PTPRD: variants seen among roughly 807,000 people sequenced by gnomAD.
PTPRD encodes the protein protein tyrosine phosphatase receptor type D.
A neutral mutation model predicts 214.5 loss-of-function variants in PTPRD; 34 were observed. The observed-to-expected ratio is 0.16, with a 90% CI of 0.12 to 0.21. PTPRD has a LOEUF of 0.21. PTPRD is among the 10% of genes least tolerant of loss of function. PTPRD has a pLI of 1.00. For synonymous variants in PTPRD, 1,128 were observed against 845.7 expected (o/e 1.33, Z -5.79); for missense variants, 2,545 against 2,398.7 (o/e 1.06, Z -1.27).
In PTPRD at chr9:8,500,487, G is replaced by C. The variant is rs1157351332; in HGVS notation, c.2128+267C>G. Among the ~76,000 whole-genome samples the C allele has an allele frequency of 4.3e-5, 6 of 139,036 alleles. No individual in the cohort carries two copies. The South Asian group carries it at 1.4e-3, about 33-fold the overall frequency. 91.2% of individuals were successfully genotyped at this position (139,036 alleles called of 152,430 possible). A position where few individuals can be genotyped will look rare whatever the true frequency, so the allele number is the denominator to read the frequency against. On this transcript the variant is annotated intron_variant, in intron 24 of 45. Transcript: ENST00000381196. ...TAGATGGAGGCACAGAGACGGGCTG[G>C]ACTGCAAGACCATAGGAGCCAACAG...
At chr9:8,852,161 G>C (rs530173893) in intron 11 of PTPRD, among the ~76,000 whole-genome samples, 1 of 152,142 alleles carries the variant, frequency 6.6e-6, no homozygotes, top group Non-Finnish European at 1.5e-5. Flanking sequence ...AAGCAGTACT[G>C]AGAAATGCTG....
At chr9:9,552,485 G>C (rs1041316191) in intron 8 of PTPRD, among the ~76,000 whole-genome samples, 1 of 151,986 alleles carries the variant, frequency 6.6e-6, no homozygotes, top group Non-Finnish European at 1.5e-5. Flanking sequence ...CCTAAATGTA[G>C]TTCTTTATAA....
chr9:8,603,406 C>G (rs1006962668), intron 14 of PTPRD, among the ~76,000 whole-genome samples: 1 of 152,140 alleles, frequency 6.6e-6, no homozygotes, highest in Non-Finnish European at 1.5e-5. Flanking sequence ...GTCTTTGGCC[C>G]TATAGACAGC....
Position 9,666,084 on chromosome 9 carries a change from C to T in PTPRD, c.-287+68449G>A, listed in dbSNP as rs1023685666. Among the ~76,000 whole-genome samples, 5 of 151,818 alleles carry T rather than the reference C, an allele frequency of 3.3e-5. No homozygotes were observed. In the South Asian group the frequency reaches 1.0e-3, roughly 31 times the overall value. On this transcript the variant is annotated intron_variant, in intron 7 of 45. Transcript: ENST00000381196. ...TCTGGAGTTATTCGGTAACTATCCACATATCAAGTTGTATACCCATAAACC... is the reference window on the plus strand; with the variant it reads ...TCTGGAGTTATTCGGTAACTATCCATATATCAAGTTGTATACCCATAAACC...
chr9:9,304,884 C>A (rs1489526749), intron 9 of PTPRD, among the ~76,000 whole-genome samples: 1 of 149,772 alleles, frequency 6.7e-6, no homozygotes, highest in Admixed American at 6.8e-5. Flanking sequence ...ATAATCTCTC[C>A]ATGAAAGGAT....
intron 9 of PTPRD, among the ~76,000 whole-genome samples, chr9:9,386,155 T>A (rs978584111): frequency 8.5e-5 from 13 of 152,300 alleles, no homozygotes; most frequent in African/African-American, 2.9e-4. Flanking sequence ...TTAGTTACAA[T>A]GACAGCGTCC....
chr9:10,573,035 T>C (rs2067986959), intron 2 of PTPRD, among the ~76,000 whole-genome samples: 1 of 152,116 alleles, frequency 6.6e-6, no homozygotes, highest in Non-Finnish European at 1.5e-5. Flanking sequence ...GATTGTTGAG[T>C]TGTCAACTGA....
At position 9,067,016 on chromosome 9, in the gene PTPRD, G is replaced by C. The variant is rs544530496; in HGVS notation, c.-142-48281C>G. Among the ~76,000 whole-genome samples the C allele has an allele frequency of 8.5e-5, 13 of 152,330 alleles. No individual in the cohort carries two copies. In the South Asian group the frequency reaches 2.3e-3, roughly 27 times the overall value. ...CCAGCACTTTGGGAGGCTGAGGTGG[G>C]CGGATCACCTGAGGTCAGGAGTTGG... On this transcript the variant is annotated intron_variant, in intron 10 of 45. Coordinates refer to ENST00000381196, the MANE Select transcript of PTPRD (RefSeq NM_002839.4).
At chr9:10,051,926 T>G (rs1415852573) in intron 3 of PTPRD, among the ~76,000 whole-genome samples, 1 of 152,126 alleles carries the variant, frequency 6.6e-6, no homozygotes, top group Non-Finnish European at 1.5e-5. Flanking sequence ...TTTACTTAAT[T>G]AATTATTTAG....
intron 8 of PTPRD, among the ~76,000 whole-genome samples, chr9:9,510,740 T>C (rs1347617314): frequency 6.6e-6 from 1 of 151,588 alleles, no homozygotes; most frequent in African/African-American, 2.4e-5. Flanking sequence ...TCTTCAGGCA[T>C]AATCATGCAT....
intron 3 of PTPRD, among the ~76,000 whole-genome samples, chr9:10,148,164 A>G (rs1316828373): frequency 6.6e-6 from 1 of 152,162 alleles, no homozygotes; most frequent in African/African-American, 2.4e-5. Context: ...AAGCCAAAGA[A>G]ATCGGTGGAG....
At chr9:9,796,765 C>G (rs2099005144) in intron 5 of PTPRD, among the ~76,000 whole-genome samples, 1 of 152,090 alleles carries the variant, frequency 6.6e-6, no homozygotes, top group Non-Finnish European at 1.5e-5. Context: ...ATGAAAGGGC[C>G]ATGAGGACTG....
intron 8 of PTPRD, among the ~76,000 whole-genome samples, chr9:9,536,960 T>C (rs890227006): frequency 2.6e-5 from 4 of 151,912 alleles, no homozygotes; most frequent in African/African-American, 7.2e-5. Context: ...AACAGCTAAG[T>C]ACGTATCAGC....
chr9:9,899,521 G>A (rs187181189), intron 5 of PTPRD, among the ~76,000 whole-genome samples: 57 of 152,058 alleles, frequency 3.7e-4, no homozygotes, highest in Non-Finnish European at 6.6e-4. Flanking sequence ...ACTGCTGTTA[G>A]AATGGTTATT....
chr9:8,936,506 G>A (rs1266414029), intron 11 of PTPRD, among the ~76,000 whole-genome samples: 1 of 140,368 alleles, frequency 7.1e-6, no homozygotes, highest in African/African-American at 2.7e-5. Context: ...TATTGTGAAA[G>A]ACAAGCGATT....
At chr9:8,899,758 C>G (rs959064844) in intron 11 of PTPRD, among the ~76,000 whole-genome samples, 1 of 152,174 alleles carries the variant, frequency 6.6e-6, no homozygotes, top group African/African-American at 2.4e-5. Flanking sequence ...CGCCCAGATG[C>G]TAGTATATGC....
At chr9:10,481,331 AT>A (rs2099096462) in intron 2 of PTPRD, among the ~76,000 whole-genome samples, 1 of 152,214 alleles carries the variant, frequency 6.6e-6, no homozygotes, top group Non-Finnish European at 1.5e-5. Flanking sequence ...AAAACAAAAA[AT>A]ATCCTATTGG....
chr9:9,247,158 C>T (rs982693840), intron 9 of PTPRD, among the ~76,000 whole-genome samples: 1 of 152,192 alleles, frequency 6.6e-6, no homozygotes, highest in South Asian at 2.1e-4. Context: ...TTGAGCTACT[C>T]TTGTCTGATA....
chr9:9,557,387 T>A (rs574363034), intron 8 of PTPRD, among the ~76,000 whole-genome samples: 1 of 152,148 alleles, frequency 6.6e-6, no homozygotes, highest in African/African-American at 2.4e-5. Context: ...TAACATAGCA[T>A]TGCATAGCAG....
Sources: gnomAD v4.1 joint callset for allele counts (sites outside exome capture counted in the v4.1 genomes callset) on GRCh38, gnomAD v4.1.1 for gene constraint, MANE v1.5 for transcripts, NCBI Gene and HGNC (gene_info 2026-07-23, HGNC 2026-07-21) for gene names.